The following C12orf42 variants were observed in gnomAD, a reference collection of about 807,000 sequenced individuals.
C12orf42 encodes uncharacterized protein C12orf42.
In C12orf42, 25 loss-of-function variants were observed where a neutral mutation model predicts 21.6. The ratio of observed to expected loss-of-function variants is 1.16; its 90% CI spans 0.84 to 1.62. The LOEUF is 1.62. Ranked by LOEUF, C12orf42 falls within the 40% of genes most tolerant of loss-of-function variation. The pLI, the probability that C12orf42 is intolerant of heterozygous loss-of-function variation, is 0.00. For synonymous variants in C12orf42, 174 were observed against 175.0 expected (o/e 0.99, Z 0.05); for missense variants, 483 against 459.3 (o/e 1.05, Z -0.47).
At chr12:103,055,470 G>T in the C12orf42 span, among the ~76,000 whole-genome samples, 1 of 151,736 alleles carries the variant, frequency 6.6e-6, no homozygotes, top group South Asian at 2.1e-4. Flanking sequence ...CTTACTTGAG[G>T]TTTGTCAATT....
intron 1 of C12orf42, among the ~76,000 whole-genome samples, chr12:103,492,690 C>T (rs1421364403): frequency 6.6e-6 from 1 of 152,200 alleles, no homozygotes; most frequent in African/African-American, 2.4e-5. Context: ...TCCCTTCATC[C>T]CATGCCACAT....
chr12:103,059,090 A>G, the C12orf42 span, among the ~76,000 whole-genome samples: 1 of 152,196 alleles, frequency 6.6e-6, no homozygotes, highest in African/African-American at 2.4e-5. Context: ...CTAGACTAAT[A>G]AAGAAGAAAA....
intron 5 of C12orf42, among the ~76,000 whole-genome samples, chr12:103,272,592 C>A (rs149515879): frequency 1.1e-4 from 16 of 152,294 alleles, no homozygotes; most frequent in Non-Finnish European, 1.3e-4. Context: ...CTAATGCACT[C>A]CCTCTGACAC....
chr12:103,259,951 T>C (rs531738359), intron 10 of C12orf42, among the ~76,000 whole-genome samples: 1 of 152,242 alleles, frequency 6.6e-6, no homozygotes, highest in South Asian at 2.1e-4. Flanking sequence ...TTCAGGTCAA[T>C]CAGATAGTTA....
the C12orf42 span, among the ~76,000 whole-genome samples, chr12:103,187,706 A>T: frequency 1.3e-5 from 2 of 152,210 alleles, no homozygotes; most frequent in Non-Finnish European, 2.9e-5. Context: ...GTTAAAAAAA[A>T]GGCTGGAATT....
At chr12:103,245,350 A>G (rs2033960091) in intron 10 of C12orf42, among the ~76,000 whole-genome samples, 1 of 152,206 alleles carries the variant, frequency 6.6e-6, no homozygotes, top group South Asian at 2.1e-4. Context: ...GAGGGACATT[A>G]TTTGTTCACA....
chr12:103,072,547 G>T, the C12orf42 span, among the ~76,000 whole-genome samples: 1 of 151,914 alleles, frequency 6.6e-6, no homozygotes, highest in Non-Finnish European at 1.5e-5. Context: ...TTCTACAATA[G>T]CAGTACACTT....
At chr12:103,125,569 C>T in the C12orf42 span, among the ~76,000 whole-genome samples, 2 of 152,114 alleles carry the variant, frequency 1.3e-5, no homozygotes, top group South Asian at 4.1e-4. Flanking sequence ...GTTCATTGCT[C>T]ATTATTAATG....
At chr12:103,244,548 C>T (rs1364418467) in intron 10 of C12orf42, among the ~76,000 whole-genome samples, 12 of 140,542 alleles carry the variant, frequency 8.5e-5, no homozygotes, top group South Asian at 2.3e-4. Flanking sequence ...GTTCAGCATT[C>T]TTTGAAAAAA....
At chr12:103,144,485 T>C in the C12orf42 span, among the ~76,000 whole-genome samples, 3 of 151,950 alleles carry the variant, frequency 2.0e-5, no homozygotes, top group African/African-American at 7.3e-5. Flanking sequence ...TAATGAAAAA[T>C]GAGATATCGT....
chr12:103,368,346 C>CACAT (rs2044829560), intron 4 of C12orf42, among the ~76,000 whole-genome samples: 1 of 151,290 alleles, frequency 6.6e-6, no homozygotes, highest in African/African-American at 2.4e-5. Flanking sequence ...CACACACACA[C>CACAT]ATTTTGTGTA....
chr12:103,519,046 C>A, the C12orf42 span, among the ~76,000 whole-genome samples: 8 of 152,132 alleles, frequency 5.3e-5, no homozygotes, highest in Admixed American at 5.2e-4. Context: ...TGTTTTCCCT[C>A]ATGCTGTTCT....
At chr12:103,551,333 T>C in the C12orf42 span, among the ~76,000 whole-genome samples, 1 of 152,208 alleles carries the variant, frequency 6.6e-6, no homozygotes, top group African/African-American at 2.4e-5. Flanking sequence ...TTTATAACTG[T>C]TTATTCTTTC....
At chr12:103,453,971 T>C (rs761406615) in intron 2 of C12orf42, among the ~76,000 whole-genome samples, 2 of 152,056 alleles carry the variant, frequency 1.3e-5, no homozygotes, top group African/African-American at 4.8e-5. Flanking sequence ...TTTAAACACC[T>C]GGATAATTGT....
intron 4 of C12orf42, among the ~76,000 whole-genome samples, chr12:103,294,732 A>AG (rs2037138661): frequency 6.6e-6 from 1 of 152,188 alleles, no homozygotes; most frequent in South Asian, 2.1e-4. Flanking sequence ...GGACTCTGCA[A>AG]GAGGGACCCC....
At chr12:103,483,479 A>AT (rs561648153) in intron 1 of C12orf42, among the ~76,000 whole-genome samples, 75 of 151,874 alleles carry the variant, frequency 4.9e-4, no homozygotes, top group African/African-American at 1.5e-3. Context: ...TCCAGTTGAA[A>AT]TTTTTTTTCA....
rs1030827824 is a variant in C12orf42 at position 103,395,582 on chromosome 12, G to A, written c.147+6025C>T. 4.5e-4 allele frequency among the ~76,000 whole-genome samples: 69 copies of A among 152,162 alleles called. 2 individuals are homozygous for A. The highest frequency in any genetic ancestry group is 2.3e-3 in the Admixed American group (35 of 15,286). On this transcript the variant is annotated intron_variant, in intron 3 of 5. Coordinates refer to ENST00000548883, the MANE Select transcript of C12orf42 (RefSeq NM_198521.5). ...GATCTCCTGACCGAGCGATCTGCCC[G>A]CCTCGGCCTCCCAAAGAGCTGGGAT...
chr12:103,286,161 G>A (rs2036445146), intron 4 of C12orf42, among the ~76,000 whole-genome samples: 1 of 152,064 alleles, frequency 6.6e-6, no homozygotes. Context: ...TGAGGCAGGA[G>A]AATGGCATGA....
At chr12:103,139,563 A>G in the C12orf42 span, among the ~76,000 whole-genome samples, 1 of 152,156 alleles carries the variant, frequency 6.6e-6, no homozygotes, top group South Asian at 2.1e-4. Context: ...AAGCAAAAAG[A>G]CCAAAAAAAA....
Sources: allele counts gnomAD v4.1 joint callset (sites outside exome capture counted in the v4.1 genomes callset), GRCh38; gene constraint gnomAD v4.1.1; transcripts MANE v1.5; gene names NCBI Gene and HGNC (gene_info 2026-07-23, HGNC 2026-07-21).